The following PRKAR1B variants were observed in gnomAD, a reference collection of about 807,000 sequenced individuals.
PRKAR1B encodes cAMP-dependent protein kinase type I-beta regulatory subunit.
Under a neutral mutation model 46.5 loss-of-function variants are expected in PRKAR1B, and 22 were observed. That is an observed-to-expected ratio of 0.47 (90% confidence interval 0.34 to 0.68). PRKAR1B has a LOEUF of 0.68. Ranked by LOEUF, PRKAR1B falls within the 30% of genes least tolerant of loss-of-function variation. PRKAR1B has a pLI of 0.01. For missense variants in PRKAR1B, 445 were observed against 535.6 expected (o/e 0.83, Z 1.67); for synonymous variants, 259 against 217.7 (o/e 1.19, Z -1.67).
chr7:695,664 GTTTT>G (rs1453668625), intron 2 of PRKAR1B, among the ~76,000 whole-genome samples: 1 of 150,006 alleles, frequency 6.7e-6, no homozygotes, highest in South Asian at 2.1e-4. Flanking sequence ...TGTTTTTTTT[GTTTT>G]TTGTTTTTTT....
At chr7:640,574 C>T (rs1270864805) in intron 4 of PRKAR1B, among the ~76,000 whole-genome samples, 2 of 152,104 alleles carry the variant, frequency 1.3e-5, no homozygotes, top group Non-Finnish European at 2.9e-5. Flanking sequence ...ACCAACCTGG[C>T]TAACATGGTG....
chr7:551,272 G>C lies in PRKAR1B; in HGVS notation c.973+117C>G, dbSNP rs1008218909. ...TGCAGCCACACTGGGGCTCAGCCAA[G>C]CCCCACTACAAGGCCCCAGGGAAGC... is the stretch of plus-strand genomic sequence containing the variant. On this transcript the variant is annotated intron_variant, in intron 10 of 10. Coordinates refer to ENST00000537384, the MANE Select transcript of PRKAR1B (RefSeq NM_001164760.2). 7 of 952,880 alleles carry C rather than the reference G, an allele frequency of 7.3e-6. No individual in the cohort carries two copies. In the East Asian group the frequency reaches 1.6e-4, roughly 22 times the overall value. The allele number at this position is 952,880 out of a possible 1,614,324, so 59.0% of individuals were successfully genotyped here. A position where few individuals can be genotyped will look rare whatever the true frequency, so the allele number is the denominator to read the frequency against.
In PRKAR1B at chr7:636,323, CACACG is replaced by C. The variant is rs1784074303; in HGVS notation, c.441-28876_441-28872del. ...CCTCACGTCCTCCACCGGCCGCGCC[CACACG>C]TCCTCCACCGGCCGCGCCCACACGT... On this transcript the variant is annotated intron_variant, in intron 4 of 10. Transcript: ENST00000537384. Among the ~76,000 whole-genome samples, 6 of 9,580 alleles carry C rather than the reference CACACG, an allele frequency of 6.3e-4. 1 individual carries two copies. Among genetic ancestry groups the C allele is most frequent in the African/African-American group, 5.2e-4 (1 of 1,910 alleles). The allele number at this position is 9,580 out of a possible 152,430, so 6.3% of individuals were successfully genotyped here. A position where few individuals can be genotyped will look rare whatever the true frequency, so the allele number is the denominator to read the frequency against.
At chr7:688,562 C>A (rs1043540869) in intron 2 of PRKAR1B, among the ~76,000 whole-genome samples, 1 of 152,196 alleles carries the variant, frequency 6.6e-6, no homozygotes, top group African/African-American at 2.4e-5. Flanking sequence ...CCAGGGCTCT[C>A]TGCTGTCCTC....
In PRKAR1B at chr7:685,389, T is replaced by C. The variant is rs1394945837; in HGVS notation, c.178-4663A>G. Among the ~76,000 whole-genome samples, 9 of 122,464 alleles carry C rather than the reference T, an allele frequency of 7.3e-5. 2 individuals carry two copies. Among genetic ancestry groups the C allele is most frequent in the African/African-American group, 2.7e-4 (8 of 29,248 alleles). 80.3% of individuals were successfully genotyped at this position (122,464 alleles called of 152,430 possible). On this transcript the variant is annotated intron_variant, in intron 2 of 10. Coordinates refer to ENST00000537384, the MANE Select transcript of PRKAR1B (RefSeq NM_001164760.2). ...ACACATATATATATATACATACATA[T>C]ATATATATATATGTATATATATACC...
chr7:581,144 A>T (rs982522245), intron 8 of PRKAR1B, among the ~76,000 whole-genome samples: 3 of 152,118 alleles, frequency 2.0e-5, no homozygotes, highest in African/African-American at 7.2e-5. Context: ...TCTACTAAAA[A>T]TACAAAAAAT....
At chr7:575,581 T>C (rs1412878282) in intron 9 of PRKAR1B, among the ~76,000 whole-genome samples, 1 of 152,222 alleles carries the variant, frequency 6.6e-6, no homozygotes, top group East Asian at 1.9e-4. Flanking sequence ...GGTCTCTCTC[T>C]GTTGCCCAGG....
chr7:596,372 G>GA (rs1781266807), intron 6 of PRKAR1B, 68 bp from the exon 7 acceptor site: 1 of 1,541,472 alleles, frequency 6.5e-7, no homozygotes, highest in Non-Finnish European at 8.8e-7. Flanking sequence ...ATCCCATACA[G>GA]AAAGTCCCCC....
chr7:623,225 T>G (rs972616428), intron 4 of PRKAR1B, among the ~76,000 whole-genome samples: 1 of 152,230 alleles, frequency 6.6e-6, no homozygotes, highest in Non-Finnish European at 1.5e-5. Context: ...CCTGGCATCA[T>G]GGAAAGCAGA....
chr7:702,248 A>G (rs1405070091), intron 2 of PRKAR1B, among the ~76,000 whole-genome samples: 2 of 152,172 alleles, frequency 1.3e-5, no homozygotes, highest in Non-Finnish European at 2.9e-5. Flanking sequence ...TAAAAAAGAC[A>G]GTAAGTACTA....
intron 4 of PRKAR1B, among the ~76,000 whole-genome samples, chr7:619,392 C>G (rs188582376): frequency 6.6e-5 from 10 of 152,348 alleles, no homozygotes; most frequent in African/African-American, 2.2e-4. Flanking sequence ...GTGTTTTACG[C>G]ACAGTTGCTC....
chr7:691,004 C>T (rs564426856), intron 2 of PRKAR1B, among the ~76,000 whole-genome samples: 237 of 152,154 alleles, frequency 1.6e-3, no homozygotes, highest in African/African-American at 5.4e-3. Context: ...CGAAGGGTCC[C>T]GCGCCCACCC....
chr7:719,273 C>A (rs1780992293), intron 1 of PRKAR1B, among the ~76,000 whole-genome samples: 1 of 152,164 alleles, frequency 6.6e-6, no homozygotes, highest in African/African-American at 2.4e-5. Flanking sequence ...CTCCTGAGCT[C>A]AAGTGATCCA....
In PRKAR1B at chr7:556,909, A is replaced by G. The variant is rs983093744; in HGVS notation, c.892-5439T>C. Among the ~76,000 whole-genome samples, 13 of 152,304 alleles carry G rather than the reference A, an allele frequency of 8.5e-5. 1 individual carries two copies. The highest frequency in any genetic ancestry group is 7.8e-4 in the Admixed American group (12 of 15,306). ...GACACAGGTGCCTCCCCCGGCTCCCAGGGTACTGAAGAGTCCCCGTGCAAA... is the reference window on the plus strand; with the variant it reads ...GACACAGGTGCCTCCCCCGGCTCCCGGGGTACTGAAGAGTCCCCGTGCAAA... On this transcript the variant is annotated intron_variant, in intron 9 of 10. Transcript: ENST00000537384.
chr7:631,816 G>C (rs1434717071), intron 4 of PRKAR1B, among the ~76,000 whole-genome samples: 1 of 152,090 alleles, frequency 6.6e-6, no homozygotes, highest in Non-Finnish European at 1.5e-5. Flanking sequence ...AATTAGCCAG[G>C]CATGATGCCA....
intron 4 of PRKAR1B, among the ~76,000 whole-genome samples, chr7:665,553 C>T (rs922699725): frequency 8.5e-5 from 13 of 152,228 alleles, no homozygotes; most frequent in African/African-American, 2.7e-4. Flanking sequence ...GATTTGCTAA[C>T]CTCAAGGTCT....
chr7:688,928 T>C (rs1332792814), intron 2 of PRKAR1B, among the ~76,000 whole-genome samples: 3 of 152,118 alleles, frequency 2.0e-5, no homozygotes, highest in Non-Finnish European at 4.4e-5. Flanking sequence ...ACATATTTGT[T>C]AAATAAATAT....
intron 9 of PRKAR1B, among the ~76,000 whole-genome samples, chr7:571,876 C>T (rs892203498): frequency 2.0e-5 from 3 of 152,238 alleles, no homozygotes; most frequent in South Asian, 2.1e-4. Context: ...TCCCCGCCTC[C>T]GGGAGCCCGC....
chr7:619,666 G>C (rs1421791255), intron 4 of PRKAR1B, among the ~76,000 whole-genome samples: 1 of 152,188 alleles, frequency 6.6e-6, no homozygotes, highest in Non-Finnish European at 1.5e-5. Context: ...TCGGCCCCAC[G>C]CCATTGTTCT....
Sources: allele counts gnomAD v4.1 joint callset (sites outside exome capture counted in the v4.1 genomes callset), GRCh38; gene constraint gnomAD v4.1.1; transcripts MANE v1.5; gene names NCBI Gene and HGNC (gene_info 2026-07-23, HGNC 2026-07-21).